NFIC: variants seen among roughly 807,000 people sequenced by gnomAD.
NFIC encodes nuclear factor 1 C-type.
A neutral mutation model predicts 54.4 loss-of-function variants in NFIC; 12 were observed. That is an observed-to-expected ratio of 0.22 (90% CI 0.14 to 0.36). The LOEUF (loss-of-function observed/expected upper bound fraction) is 0.36, where lower values mean the gene tolerates loss of function less well. NFIC is among the 10% of genes least tolerant of loss of function. NFIC has a pLI of 1.00. For missense variants in NFIC, 575 were observed against 718.2 expected (o/e 0.80, Z 2.28); for synonymous variants, 322 against 319.2 (o/e 1.01, Z -0.09).
At chr19:3,365,072 G>C (rs2080863827), upstream of NFIC, among the ~76,000 whole-genome samples, 2 of 152,262 alleles carry the variant, frequency 1.3e-5, no homozygotes, top group Admixed American at 6.5e-5. Flanking sequence ...GGGGGGCCTA[G>C]GGAACCTACG....
At chr19:3,400,861 A>T (rs181758359) in intron 2 of NFIC, among the ~76,000 whole-genome samples, 12 of 152,324 alleles carry the variant, frequency 7.9e-5, no homozygotes, top group Non-Finnish European at 1.0e-4. Flanking sequence ...TAATAATAAA[A>T]ATAAAAAGAA....
intron 2 of NFIC, among the ~76,000 whole-genome samples, chr19:3,407,933 A>G (rs2081681117): frequency 6.6e-6 from 1 of 152,048 alleles, no homozygotes; most frequent in Admixed American, 6.6e-5. Context: ...GGCCCAGGTC[A>G]CTCGTATATT....
At chr19:3,394,514 T>TC (rs199958298) in intron 2 of NFIC, among the ~76,000 whole-genome samples, 43 of 25,250 alleles carry the variant, frequency 1.7e-3, no homozygotes, top group East Asian at 0.013. Context: ...TATGATCTTT[T>TC]CCCCACCCAC....
intron 10 of NFIC, among the ~76,000 whole-genome samples, chr19:3,461,413 A>ACCCT (rs2082637016): frequency 6.6e-6 from 1 of 152,022 alleles, no homozygotes; most frequent in African/African-American, 2.4e-5. Flanking sequence ...ACGGAGCAAG[A>ACCCT]CCCTGTCTCA....
Position 3,467,789 on chromosome 19 carries a change from A to ACATAT in NFIC, c.*5020_*5021insCATAT, listed in dbSNP as rs1176215106. 7.7e-6 allele frequency: 1 copy of ACATAT among 129,366 alleles called. No homozygotes were observed. The highest frequency in any genetic ancestry group is 3.1e-5 in the African/African-American group (1 of 31,964). 8.0% of individuals were successfully genotyped at this position (129,366 alleles called of 1,614,324 possible). On this transcript the variant is annotated 3_prime_UTR_variant, in exon 11 of 11. Transcript: ENST00000443272. ...TATATATATATATATATATATATAT[A>ACATAT]ATTTTGGAATTTGTTTCTCATAATA...
intron 2 of NFIC, among the ~76,000 whole-genome samples, chr19:3,424,524 G>A (rs920482817): frequency 6.6e-6 from 1 of 151,878 alleles, no homozygotes; most frequent in Non-Finnish European, 1.5e-5. Context: ...TTACAGGTAC[G>A]CATCACCACA....
chr19:3,434,991 C>G (rs1338235865), intron 5 of NFIC, 92 bp from the exon 6 acceptor site: 6 of 1,428,308 alleles, frequency 4.2e-6, no homozygotes, highest in Non-Finnish European at 5.6e-6. Flanking sequence ...CGCCCCCGCT[C>G]ACTTAAGGAC....
intron 2 of NFIC, among the ~76,000 whole-genome samples, chr19:3,404,399 T>A (rs1038897869): frequency 6.6e-6 from 1 of 151,498 alleles, no homozygotes; most frequent in Non-Finnish European, 1.5e-5. Flanking sequence ...TGGTGCCGAG[T>A]GGCAGATAAT....
intron 6 of NFIC, among the ~76,000 whole-genome samples, chr19:3,447,328 C>G (rs1022004895): frequency 7.9e-5 from 12 of 151,740 alleles, no homozygotes; most frequent in Admixed American, 4.6e-4. Context: ...AGACACAGCC[C>G]CAGAAGGCCA....
chr19:3,449,815 G>A (rs1376965221), intron 7 of NFIC, among the ~76,000 whole-genome samples: 1 of 149,616 alleles, frequency 6.7e-6, no homozygotes, highest in Non-Finnish European at 1.5e-5. Context: ...CTAGCACTTT[G>A]AGAGGCCGAG....
chr19:3,380,101 T>C (rs375167461), intron 1 of NFIC, among the ~76,000 whole-genome samples: 116 of 149,300 alleles, frequency 7.8e-4, no homozygotes, highest in Admixed American at 1.5e-3. Context: ...CCCGGGTTCA[T>C]GCCAATCTCC....
Position 3,366,615 on chromosome 19 carries a change from T to TGCG in NFIC, c.-21_-19dup. 1.3e-6 allele frequency: 2 copies of TGCG among 1,491,322 alleles called. No individual in the cohort carries two copies. The highest frequency in any genetic ancestry group is 1.8e-6 in the Non-Finnish European group (2 of 1,123,756). 92.4% of individuals were successfully genotyped at this position (1,491,322 alleles called of 1,614,324 possible). A position where few individuals can be genotyped will look rare whatever the true frequency, so the allele number is the denominator to read the frequency against. On this transcript the variant is annotated 5_prime_UTR_variant, in exon 1 of 11. Transcript: ENST00000443272. Reference sequence around the variant, plus strand: ...TCAGCGCGCCCGCTCCGGCCGGCCCTGCGCCTCCCGCCGCGCCCGGGATGT... The same window carrying TGCG: ...TCAGCGCGCCCGCTCCGGCCGGCCCTGCGGCGCCTCCCGCCGCGCCCGGGATGT...
At chr19:3,428,845 C>A (rs1435258067) in intron 3 of NFIC, among the ~76,000 whole-genome samples, 2 of 151,884 alleles carry the variant, frequency 1.3e-5, no homozygotes, top group Non-Finnish European at 2.9e-5. Flanking sequence ...CGTGCTGACA[C>A]CAGCTGGCCA....
At chr19:3,430,896 C>T (rs1468853706) in intron 3 of NFIC, among the ~76,000 whole-genome samples, 1 of 141,388 alleles carries the variant, frequency 7.1e-6, no homozygotes, top group African/African-American at 2.7e-5. Flanking sequence ...TGCGCCACTG[C>T]ACTCCAGCCT....
chr19:3,425,273 C>A (rs2082010245), intron 3 of NFIC, 96 bp downstream of exon 3: 8 of 1,380,448 alleles, frequency 5.8e-6, no homozygotes, highest in Middle Eastern at 4.6e-4. Context: ...ACTCGTTTTA[C>A]AGATGAGCAG....
At position 3,409,553 on chromosome 19, in the gene NFIC, G is replaced by A. The variant is rs570378589; in HGVS notation, c.563-15553G>A. ...TAGGTGGTCAGTAAACACCTGTTCC[G>A]TGAGTGCCGGGTGTGCGTTGACCTC... is the stretch of plus-strand genomic sequence containing the variant. On this transcript the variant is annotated intron_variant, in intron 2 of 10. Transcript: ENST00000443272. 7.9e-5 allele frequency among the ~76,000 whole-genome samples: 12 copies of A among 152,246 alleles called. No homozygotes were observed. The South Asian group carries it at 1.2e-3, about 16-fold the overall frequency.
chr19:3,450,357 A>AG (rs1568194493), intron 7 of NFIC, among the ~76,000 whole-genome samples: 1 of 16,624 alleles, frequency 6.0e-5, no homozygotes, highest in African/African-American at 5.0e-4. Flanking sequence ...AAAAAAAAAA[A>AG]GAGACATCTC....
rs1000793362 is a variant in NFIC, at chr19:3,453,244, GA to G, written c.1270-511del. ...ACAGAACGAGACCCTGTCTCAAAAA[GA>G]AAAAAAAGGTTGGGGGGCGGGGGGC... On this transcript the variant is annotated intron_variant, in intron 8 of 10. Coordinates refer to ENST00000443272, the MANE Select transcript of NFIC (RefSeq NM_001245002.2). This position sits in a 1 kb window ranked among gnomAD's most constrained non-coding sequence, Gnocchi z 6.7. Among the ~76,000 whole-genome samples, 19 of 151,556 alleles carry G rather than the reference GA, an allele frequency of 1.3e-4. No homozygotes were observed. The highest frequency in any genetic ancestry group is 1.3e-4 in the Admixed American group (2 of 15,232).
At chr19:3,439,935 G>T (rs779750333) in intron 6 of NFIC, among the ~76,000 whole-genome samples, 7 of 151,874 alleles carry the variant, frequency 4.6e-5, no homozygotes, top group African/African-American at 1.2e-4. Context: ...TGATCTGCCC[G>T]CCTCGGCCTC....
Sources: allele counts gnomAD v4.1 joint callset (sites outside exome capture counted in the v4.1 genomes callset), GRCh38; gene constraint gnomAD v4.1.1; non-coding constraint Gnocchi (gnomAD v3.1); transcripts MANE v1.5; gene names NCBI Gene and HGNC (gene_info 2026-07-23, HGNC 2026-07-21).